The following ZBTB43 variants were observed in gnomAD, a reference collection of about 807,000 sequenced individuals.
ZBTB43 encodes the protein zinc finger and BTB domain-containing protein 43.
In ZBTB43, 6 loss-of-function variants were observed where a neutral mutation model predicts 31.1. The observed-to-expected ratio is 0.19, with a 90% confidence interval of 0.11 to 0.38. The LOEUF (loss-of-function observed/expected upper bound fraction) is 0.38, where lower values mean the gene tolerates loss of function less well. ZBTB43 is among the 10% of genes least tolerant of loss of function. The probability of loss-of-function intolerance (pLI) is 1.00; values close to 1 mark genes in which losing one functional copy is unlikely to be tolerated. For missense variants in ZBTB43, 379 were observed against 602.1 expected (o/e 0.63, Z 3.88); for synonymous variants, 212 against 221.7 (o/e 0.96, Z 0.39).
At chr9:126,820,307 AG>A (rs1346773388) in intron 2 of ZBTB43, among the ~76,000 whole-genome samples, 1 of 152,194 alleles carries the variant, frequency 6.6e-6, no homozygotes, top group East Asian at 1.9e-4. Flanking sequence ...CTCTCTCATT[AG>A]GGGCTAATGC....
chr9:126,809,094 A>G (rs2032188456), intron 2 of ZBTB43, among the ~76,000 whole-genome samples, 179 bp downstream of exon 2: 1 of 152,210 alleles, frequency 6.6e-6, no homozygotes, highest in Admixed American at 6.5e-5. Context: ...CATACTTTGC[A>G]CTGATAGAAC....
Position 126,832,869 on chromosome 9 carries a change from T to C in ZBTB43, c.360T>C (p.Thr120=), listed in dbSNP as rs1308414766. Residue 120 remains threonine, a synonymous_variant, in exon 3 of 3, where the codon ACT becomes ACC. Transcript: ENST00000373464. ...TGTGGCATGTGGTAGACAAATGCACTGAAGTTTTAGAGGGAAACCCTACAG... is the reference window on the plus strand; with the variant it reads ...TGTGGCATGTGGTAGACAAATGCACCGAAGTTTTAGAGGGAAACCCTACAG... The part of the protein sequence containing the change: ...LQMWHVVDKC[T]EVLEGNPTVL... 3 of 1,614,058 alleles carry C rather than the reference T, an allele frequency of 1.9e-6. No homozygotes were observed. Among genetic ancestry groups the C allele is most frequent in the Non-Finnish European group, 2.5e-6 (3 of 1,180,020 alleles).
intron 2 of ZBTB43, among the ~76,000 whole-genome samples, chr9:126,820,249 T>C (rs1417218065): frequency 6.6e-6 from 1 of 152,208 alleles, no homozygotes; most frequent in Non-Finnish European, 1.5e-5. Context: ...ATGACTTCCA[T>C]AGCTAGAGAG....
intron 2 of ZBTB43, among the ~76,000 whole-genome samples, chr9:126,810,445 G>T (rs929698097): frequency 6.8e-6 from 1 of 146,552 alleles, no homozygotes; most frequent in East Asian, 2.1e-4. Flanking sequence ...CCACCGTCTC[G>T]TGCTCCCAAA....
At chr9:126,830,234 T>C (rs2032736007) in intron 2 of ZBTB43, among the ~76,000 whole-genome samples, 1 of 152,232 alleles carries the variant, frequency 6.6e-6, no homozygotes, top group Non-Finnish European at 1.5e-5. Context: ...AAGGTATCAG[T>C]CCCTAACATA....
chr9:126,808,932 A>G lies in ZBTB43; in HGVS notation c.-24+17A>G, dbSNP rs2032185020. On this transcript the variant is annotated intron_variant, in intron 2 of 2. Transcript: ENST00000373464. ...TTGCATTAGGTAAGCTATCAACTTG[A>G]TCACGATACCATTTTTAAAGTTACT... The G allele has an allele frequency of 6.6e-6, 1 of 152,228 alleles. No individual in the cohort carries two copies. Among genetic ancestry groups the G allele is most frequent in the African/African-American group, 2.4e-5 (1 of 41,452 alleles). 9.4% of individuals were successfully genotyped at this position (152,228 alleles called of 1,614,324 possible). A position where few individuals can be genotyped will look rare whatever the true frequency, so the allele number is the denominator to read the frequency against.
chr9:126,830,737 G>A (rs1387865605), intron 2 of ZBTB43, among the ~76,000 whole-genome samples: 1 of 150,388 alleles, frequency 6.6e-6, no homozygotes, highest in Non-Finnish European at 1.5e-5. Flanking sequence ...TCGTTTGGGT[G>A]GTTTTTTTTT....
chr9:126,835,878 A>G lies in ZBTB43; in HGVS notation c.*1965A>G, dbSNP rs1282541720. 2 of 166,968 alleles carry G rather than the reference A, an allele frequency of 1.2e-5. No homozygotes were observed. The highest frequency in any genetic ancestry group is 6.6e-5 in the Admixed American group (1 of 15,264). The allele number at this position is 166,968 out of a possible 1,614,324, so 10.3% of individuals were successfully genotyped here. Reference sequence around the variant, plus strand: ...CTGAGGGGATTGTACAATCAAGCCTATTGTCTCCTTTTCTTTCACTCATGG... The same window carrying G: ...CTGAGGGGATTGTACAATCAAGCCTGTTGTCTCCTTTTCTTTCACTCATGG... On this transcript the variant is annotated 3_prime_UTR_variant, in exon 3 of 3. Transcript: ENST00000373464.
rs1389538705 is a variant in ZBTB43, at chr9:126,834,401, G to T, written c.*488G>T. 1 of 167,858 alleles carries T rather than the reference G, an allele frequency of 6.0e-6. No homozygotes were observed. The highest frequency in any genetic ancestry group is 2.4e-5 in the African/African-American group (1 of 41,464). 10.4% of individuals were successfully genotyped at this position (167,858 alleles called of 1,614,324 possible). A position where few individuals can be genotyped will look rare whatever the true frequency, so the allele number is the denominator to read the frequency against. ...AAGCTAGAAATAATGTGATTCCTAG[G>T]ATGAGAAATTGGTTAACAGAGCTCT... On this transcript the variant is annotated 3_prime_UTR_variant, in exon 3 of 3. Transcript: ENST00000373464.
rs1376212395 is a variant in ZBTB43, at chr9:126,811,294, A to G, written c.-24+2379A>G. ...TCTTAAGCTATAGTGGGCCTGAACA[A>G]GTACTTTGGATTTAAATCTCAATTT... is the stretch of plus-strand genomic sequence containing the variant. On this transcript the variant is annotated intron_variant, in intron 2 of 2. Transcript: ENST00000373464. 2.0e-5 allele frequency among the ~76,000 whole-genome samples: 3 copies of G among 152,058 alleles called. No individual in the cohort carries two copies. In the East Asian group the frequency reaches 5.8e-4, roughly 29 times the overall value.
At chr9:126,804,507 T>G (rs190310278), upstream of ZBTB43, among the ~76,000 whole-genome samples, 258 of 150,924 alleles carry the variant, frequency 1.7e-3, no homozygotes, top group Admixed American at 2.8e-3. Context: ...TGTTGTTGTT[T>G]AAGAGTCTTG....
At chr9:126,820,296 ACT>A (rs1178419312) in intron 2 of ZBTB43, among the ~76,000 whole-genome samples, 2 of 152,054 alleles carry the variant, frequency 1.3e-5, no homozygotes, top group African/African-American at 2.4e-5. Context: ...ACAAGTTATA[ACT>A]CTCTCATTAG....
At chr9:126,812,133 A>G (rs562721806) in intron 2 of ZBTB43, among the ~76,000 whole-genome samples, 8 of 152,186 alleles carry the variant, frequency 5.3e-5, no homozygotes, top group African/African-American at 1.4e-4. Context: ...GGATTTGTCT[A>G]TTCTGGACAT....
At chr9:126,811,415 G>T (rs1031874053) in intron 2 of ZBTB43, among the ~76,000 whole-genome samples, 1 of 152,186 alleles carries the variant, frequency 6.6e-6, no homozygotes, top group African/African-American at 2.4e-5. Context: ...TGAGTGGGTT[G>T]CTGTGAAGAT....
In ZBTB43 at chr9:126,832,818, C is replaced by G; in HGVS notation, c.309C>G (p.Tyr103Ter). The G allele has an allele frequency of 6.2e-7, 1 of 1,614,136 alleles. No individual in the cohort carries two copies. Among genetic ancestry groups the G allele is most frequent in the Non-Finnish European group, 8.5e-7 (1 of 1,180,038 alleles). Residue 103 changes from tyrosine to a stop codon, truncating the protein, a stop_gained, in exon 3 of 3, where the codon TAC becomes TAG. Coordinates refer to ENST00000373464, the MANE Select transcript of ZBTB43 (RefSeq NM_014007.4). LOFTEE classifies it high-confidence loss of function. The part of the protein sequence containing the change: ...LVMPAPEIVS[Y>*]LTAASFLQMW... ...TGCCCGCTCCAGAAATTGTTAGTTA[C>G]TTGACAGCGGCAAGCTTCCTCCAGA...
rs965249124 is a variant in ZBTB43 at position 126,836,026 on chromosome 9, C to A, written c.*2113C>A. ...ATTTTGTTCTGCCAAAAACTGATCA[C>A]CCTCTCCCATGGTATTAGCAGAGCA... On this transcript the variant is annotated 3_prime_UTR_variant, in exon 3 of 3. Transcript: ENST00000373464. The A allele has an allele frequency of 1.8e-5, 3 of 167,048 alleles. No homozygotes were observed. The highest frequency in any genetic ancestry group is 2.9e-5 in the Non-Finnish European group (2 of 68,122). The allele number at this position is 167,048 out of a possible 1,614,324, so 10.3% of individuals were successfully genotyped here.
chr9:126,834,070 A>G lies in ZBTB43; in HGVS notation c.*157A>G. On this transcript the variant is annotated 3_prime_UTR_variant, in exon 3 of 3. Transcript: ENST00000373464. ...AAGACCAGCTCTAAGTAGGCCAATT[A>G]AAAAAATCTAATTCCTCAAATTTGT... is the stretch of plus-strand genomic sequence containing the variant. The G allele has an allele frequency of 1.2e-6, 1 of 834,260 alleles. No homozygotes were observed. 51.7% of individuals were successfully genotyped at this position (834,260 alleles called of 1,614,324 possible).
rs1477401340 is a variant in ZBTB43, at chr9:126,838,008, G to T, written c.*4095G>T. On this transcript the variant is annotated 3_prime_UTR_variant, in exon 3 of 3. Transcript: ENST00000373464. ...TTGATGATAAACAGATTATCATTAG[G>T]TGCATATCTTATTGATATTTTGTGA... 1.2e-5 allele frequency: 2 copies of T among 166,888 alleles called. No individual in the cohort carries two copies. The highest frequency in any genetic ancestry group is 4.8e-5 in the African/African-American group (2 of 41,378). The allele number at this position is 166,888 out of a possible 1,614,324, so 10.3% of individuals were successfully genotyped here.
At chr9:126,804,696 G>T (rs2032082038), upstream of ZBTB43, among the ~76,000 whole-genome samples, 1 of 152,224 alleles carries the variant, frequency 6.6e-6, no homozygotes, top group African/African-American at 2.4e-5. Flanking sequence ...TGTTGGCCAG[G>T]ATGGTCTCGA....
Sources: allele counts gnomAD v4.1 joint callset (sites outside exome capture counted in the v4.1 genomes callset), GRCh38; gene constraint gnomAD v4.1.1; transcripts MANE v1.5; gene names NCBI Gene and HGNC (gene_info 2026-07-23, HGNC 2026-07-21).